KIF6: variants seen among roughly 807,000 people sequenced by gnomAD.
The protein encoded by KIF6 is kinesin-like protein KIF6.
KIF6 carries 106 observed loss-of-function variants against 112.7 expected under a neutral mutation model. The observed-to-expected ratio is 0.94, with a 90% CI of 0.80 to 1.11. The LOEUF (loss-of-function observed/expected upper bound fraction) is 1.11. Ranked by LOEUF, KIF6 falls within the 50% of genes least tolerant of loss-of-function variation. The probability of loss-of-function intolerance (pLI) is 0.00; values close to 1 mark genes in which losing one functional copy is unlikely to be tolerated. For synonymous variants in KIF6, 339 were observed against 339.9 expected (o/e 1.00, Z 0.03); for missense variants, 929 against 964.0 (o/e 0.96, Z 0.48).
At chr6:39,341,809 C>T (rs1284865211) in intron 22 of KIF6, among the ~76,000 whole-genome samples, 3 of 152,172 alleles carry the variant, frequency 2.0e-5, no homozygotes, top group Non-Finnish European at 4.4e-5. Flanking sequence ...TCCTCTTTCT[C>T]TTGCATCTCA....
Position 39,720,751 on chromosome 6 carries a change from C to G in KIF6, c.127G>C (p.Asp43His). 1 of 1,610,734 alleles carries G rather than the reference C, an allele frequency of 6.2e-7. No homozygotes were observed. The highest frequency in any genetic ancestry group is 1.3e-5 in the African/African-American group (1 of 74,944). Reference sequence around the variant, plus strand: ...TTATTCACAAACCCATCTGCCAAATCACGTGGTAAGATGATTTCCAAGCTA... The same window carrying G: ...TTATTCACAAACCCATCTGCCAAATGACGTGGTAAGATGATTTCCAAGCTA... ...IPSLEIILPRDLADGFVNNKR... is the reference protein window; with the variant it reads ...IPSLEIILPRHLADGFVNNKR... The change falls in exon 2 of 23, where the codon GAT becomes CAT. Residue 43 changes from aspartate (D) to histidine (H), a missense_variant. Around this residue, in one of 2 missense-constraint regions of KIF6, gnomAD observed 688 missense variants for 662.7 expected, o/e 1.04. Transcript: ENST00000287152.
chr6:39,596,372 G>C (rs1362310803), intron 6 of KIF6, 112 bp from the exon 7 acceptor site: 1 of 743,656 alleles, frequency 1.3e-6, no homozygotes, highest in Non-Finnish European at 2.2e-6. Flanking sequence ...GAAGCCAACT[G>C]TCAACTGGAG....
At chr6:39,687,957 T>C (rs1229795272) in intron 3 of KIF6, among the ~76,000 whole-genome samples, 2 of 152,136 alleles carry the variant, frequency 1.3e-5, no homozygotes, top group Non-Finnish European at 2.9e-5. Flanking sequence ...CAAAGATGTG[T>C]GTGTGTATAT....
chr6:39,362,607 C>T, intron 16 of KIF6, 89 bp from the exon 17 acceptor site: 1 of 986,304 alleles, frequency 1.0e-6, no homozygotes, highest in South Asian at 1.3e-5. Context: ...TTCAAGGGCA[C>T]CCCAAGAAGA....
chr6:39,396,610 C>A lies in KIF6; in HGVS notation c.1811-10938G>T, dbSNP rs185397036. On this transcript the variant is annotated intron_variant, in intron 15 of 22. Coordinates refer to ENST00000287152, the MANE Select transcript of KIF6 (RefSeq NM_145027.6). Reference sequence around the variant, plus strand: ...GGTTCTGGGAGCAGGTAGACTGGCACTGCCACCTCCTACTGTGACCCTAGG... The same window carrying A: ...GGTTCTGGGAGCAGGTAGACTGGCAATGCCACCTCCTACTGTGACCCTAGG... Among the ~76,000 whole-genome samples the A allele has an allele frequency of 1.2e-4, 19 of 152,308 alleles. No homozygotes were observed. The East Asian group carries it at 3.7e-3, about 29-fold the overall frequency.
At chr6:39,631,094 G>T (rs1394555434) in intron 5 of KIF6, among the ~76,000 whole-genome samples, 1 of 151,904 alleles carries the variant, frequency 6.6e-6, no homozygotes, top group African/African-American at 2.4e-5. Flanking sequence ...GAGGATTTTT[G>T]CATGTGTAGT....
intron 10 of KIF6, among the ~76,000 whole-genome samples, chr6:39,574,767 C>G (rs1214100651): frequency 1.3e-5 from 2 of 152,124 alleles, no homozygotes; most frequent in Non-Finnish European, 2.9e-5. Flanking sequence ...CTCACCAACA[C>G]CTATTCATCA....
intron 3 of KIF6, among the ~76,000 whole-genome samples, chr6:39,667,378 C>A (rs1344514613): frequency 6.6e-6 from 1 of 152,186 alleles, no homozygotes; most frequent in Non-Finnish European, 1.5e-5. Context: ...TCTGTCCTAG[C>A]TCTCAGAGAC....
chr6:39,663,116 ACT>A (rs916272754), intron 3 of KIF6, among the ~76,000 whole-genome samples: 8 of 151,614 alleles, frequency 5.3e-5, no homozygotes, highest in Non-Finnish European at 8.8e-5. Context: ...CTAGTCTCAA[ACT>A]CTTGGACTCA....
intron 3 of KIF6, among the ~76,000 whole-genome samples, chr6:39,710,445 A>G (rs1232465628): frequency 1.4e-5 from 2 of 146,472 alleles, no homozygotes; most frequent in African/African-American, 5.0e-5. Flanking sequence ...TCAGAAGAAC[A>G]TGCACATAAA....
At chr6:39,466,675 T>C (rs1219032614) in intron 13 of KIF6, among the ~76,000 whole-genome samples, 1 of 151,748 alleles carries the variant, frequency 6.6e-6, no homozygotes, top group Non-Finnish European at 1.5e-5. Context: ...CAGTCTAAGG[T>C]TATGGTATCT....
intron 13 of KIF6, among the ~76,000 whole-genome samples, chr6:39,479,680 C>CT (rs1774676826): frequency 6.6e-6 from 1 of 152,046 alleles, no homozygotes; most frequent in Non-Finnish European, 1.5e-5. Flanking sequence ...TTGTAGATTG[C>CT]TTTTGGCAGT....
chr6:39,581,861 C>A (rs1334155478), intron 9 of KIF6, among the ~76,000 whole-genome samples: 1 of 152,088 alleles, frequency 6.6e-6, no homozygotes, highest in Non-Finnish European at 1.5e-5. Flanking sequence ...TTCCTTTCAA[C>A]CTTACATATG....
At chr6:39,591,822 T>C (rs1011145443) in intron 7 of KIF6, among the ~76,000 whole-genome samples, 2 of 152,048 alleles carry the variant, frequency 1.3e-5, no homozygotes, top group African/African-American at 4.8e-5. Context: ...TCATAAAACC[T>C]GACTTTTTGG....
rs543679845 is a variant in KIF6, at chr6:39,667,742, G to T, written c.252-27985C>A. 2.1e-3 allele frequency among the ~76,000 whole-genome samples: 318 copies of T among 152,296 alleles called. 2 individuals carry two copies. The highest frequency in any genetic ancestry group is 6.8e-3 in the Middle Eastern group (2 of 294). Reference sequence around the variant, plus strand: ...GTAATTACTGAGATTTTAGATGTTAGCGATTTTAGACTTTGGGAATTTTGA... The same window carrying T: ...GTAATTACTGAGATTTTAGATGTTATCGATTTTAGACTTTGGGAATTTTGA... On this transcript the variant is annotated intron_variant, in intron 3 of 22. Transcript: ENST00000287152.
At chr6:39,680,376 C>A (rs1025939018) in intron 3 of KIF6, among the ~76,000 whole-genome samples, 1 of 152,192 alleles carries the variant, frequency 6.6e-6, no homozygotes, top group Admixed American at 6.5e-5. Context: ...TAATATTTGT[C>A]AGTAATTCCT....
In KIF6 at chr6:39,545,613, A is replaced by T. The variant is rs756220841; in HGVS notation, c.1257T>A (p.Arg419=). 6.2e-7 allele frequency: 1 copy of T among 1,613,036 alleles called. No individual in the cohort carries two copies. Among genetic ancestry groups the T allele is most frequent in the East Asian group, 2.2e-5 (1 of 44,848 alleles). Reference sequence around the variant, plus strand: ...AATGATGAAAACAGTGATGAACTTTACGCATATCCGCGCCAACCTCTAATC... The same window carrying T: ...AATGATGAAAACAGTGATGAACTTTTCGCATATCCGCGCCAACCTCTAATC... ...DSRLEVGADM[R]KVHHCFHHLK... Residue 419 remains arginine (R), a synonymous_variant, in exon 11 of 23, where the codon CGT becomes CGA. Transcript: ENST00000287152.
intron 13 of KIF6, among the ~76,000 whole-genome samples, chr6:39,445,519 A>AGAAATATTGTCCTT (rs1451987422): frequency 6.6e-6 from 1 of 152,216 alleles, no homozygotes; most frequent in Non-Finnish European, 1.5e-5. Context: ...GATAAGTAAA[A>AGAAATATTGTCCTT]GAAATATTGT....
intron 13 of KIF6, among the ~76,000 whole-genome samples, chr6:39,522,751 T>C (rs1777467413): frequency 6.6e-6 from 1 of 152,234 alleles, no homozygotes; most frequent in South Asian, 2.1e-4. Flanking sequence ...CTTGCTCTCT[T>C]GCCCAGCTCT....
Sources: gnomAD v4.1 joint callset for allele counts (sites outside exome capture counted in the v4.1 genomes callset) on GRCh38, gnomAD v4.1.1 for gene constraint, gnomAD v4.1.1 regional missense constraint, MANE v1.5 for transcripts, NCBI Gene and HGNC (gene_info 2026-07-23, HGNC 2026-07-21) for gene names.